PCDHA5: variants seen among roughly 807,000 people sequenced by gnomAD.
PCDHA5 encodes protocadherin alpha 5.
In PCDHA5, 43 loss-of-function variants were observed where a neutral mutation model predicts 61.6. That is an observed-to-expected ratio of 0.70 (90% CI 0.55 to 0.90). The LOEUF (loss-of-function observed/expected upper bound fraction) is 0.90, where lower values mean the gene tolerates loss of function less well. Ranked by LOEUF, PCDHA5 falls within the 40% of genes least tolerant of loss-of-function variation. The pLI is 0.00. For synonymous variants in PCDHA5, 627 were observed against 543.9 expected, an observed-to-expected ratio of 1.15 and a Z score of -2.13; for missense variants, 1,298 against 1,222.7, an observed-to-expected ratio of 1.06 and a Z score of -0.92.
At chr5:140,910,408 G>A (rs1165160124) in intron 1 of PCDHA5, among the ~76,000 whole-genome samples, 2 of 152,106 alleles carry the variant, frequency 1.3e-5, no homozygotes, top group African/African-American at 2.4e-5. Flanking sequence ...CTGCCACCTC[G>A]AGATCCAATT....
intron 1 of PCDHA5, chr5:140,927,592 G>T: frequency 6.2e-7 from 1 of 1,614,170 alleles, no homozygotes; most frequent in Admixed American, 1.7e-5. Context: ...GCCTGTATTT[G>T]AGCGCTCCGT....
At chr5:140,842,725 C>T in intron 1 of PCDHA5, 3 of 1,595,120 alleles carry the variant, frequency 1.9e-6, no homozygotes, top group Non-Finnish European at 2.6e-6. Flanking sequence ...AGGAGAACAA[C>T]CCGCCGGGCT....
intron 3 of PCDHA5, among the ~76,000 whole-genome samples, chr5:140,984,768 G>A (rs569046665): frequency 7.2e-5 from 11 of 152,172 alleles, no homozygotes; most frequent in African/African-American, 2.4e-4. Flanking sequence ...CTAATCCCAA[G>A]CTTACTTGCT....
In PCDHA5 at chr5:140,957,188, C is replaced by T. The variant is rs374236292; in HGVS notation, c.2353-21761C>T. On this transcript the variant is annotated intron_variant, in intron 1 of 3. Transcript: ENST00000529859. ...GTATATAAATTGGTTTATTGATGAC[C>T]GATTGGGAATATAAATAGGCACAAA... is the stretch of plus-strand genomic sequence containing the variant. 2.1e-3 allele frequency among the ~76,000 whole-genome samples: 315 copies of T among 151,992 alleles called. 3 individuals carry two copies. The highest frequency in any genetic ancestry group is 7.3e-3 in the African/African-American group (304 of 41,464).
chr5:140,913,659 A>T (rs1414002446), intron 1 of PCDHA5, among the ~76,000 whole-genome samples: 2 of 152,044 alleles, frequency 1.3e-5, no homozygotes, highest in Non-Finnish European at 2.9e-5. Flanking sequence ...TTTAAGATGT[A>T]TAGTTAGGTT....
intron 1 of PCDHA5, chr5:140,877,432 C>T: frequency 6.2e-7 from 1 of 1,613,874 alleles, no homozygotes; most frequent in Non-Finnish European, 8.5e-7. Flanking sequence ...GGTGAAGGAC[C>T]ACGGTGAGCC....
chr5:140,905,593 G>C (rs781937038), intron 1 of PCDHA5, among the ~76,000 whole-genome samples: 1 of 152,072 alleles, frequency 6.6e-6, no homozygotes, highest in Non-Finnish European at 1.5e-5. Context: ...TATTTTGCTG[G>C]GAATTGCATT....
intron 2 of PCDHA5, among the ~76,000 whole-genome samples, chr5:140,981,613 G>C (rs1279038280): frequency 6.6e-6 from 1 of 152,056 alleles, no homozygotes; most frequent in Non-Finnish European, 1.5e-5. Flanking sequence ...CTCTAATTTT[G>C]ATGAGGGTTT....
chr5:140,987,214 A>G (rs78124050), intron 3 of PCDHA5, among the ~76,000 whole-genome samples: 3 of 131,916 alleles, frequency 2.3e-5, no homozygotes, highest in Admixed American at 2.2e-4. Context: ...ACTCCATCTC[A>G]AAAAAAAAAA....
chr5:140,967,087 G>T (rs782556858), intron 1 of PCDHA5: 2 of 1,613,138 alleles, frequency 1.2e-6, no homozygotes, highest in East Asian at 4.5e-5. Flanking sequence ...GCATTGATCG[G>T]GAGGCGCTGT....
intron 1 of PCDHA5, chr5:140,871,054 A>G: frequency 6.2e-7 from 1 of 1,613,204 alleles, no homozygotes. Flanking sequence ...AGTACTGGTG[A>G]AGGATCACGG....
At chr5:140,858,949 G>A in intron 1 of PCDHA5, 1 of 158,970 alleles carries the variant, frequency 6.3e-6, no homozygotes, top group Non-Finnish European at 1.4e-5. Flanking sequence ...AGTGATTACA[G>A]CTTTTTCTCA....
intron 3 of PCDHA5, among the ~76,000 whole-genome samples, chr5:140,985,145 G>A (rs2097138679): frequency 6.6e-6 from 1 of 152,080 alleles, no homozygotes; most frequent in South Asian, 2.1e-4. Context: ...CACCGTGTTA[G>A]CCAGGATTGT....
At chr5:140,868,806 G>C (rs374832846) in intron 1 of PCDHA5, 8 of 356,954 alleles carry the variant, frequency 2.2e-5, no homozygotes, top group Non-Finnish European at 4.0e-5. Flanking sequence ...AAATAAGCAC[G>C]TTGGAAATAT....
chr5:140,898,673 G>A (rs1378652105), intron 1 of PCDHA5, among the ~76,000 whole-genome samples: 1 of 152,170 alleles, frequency 6.6e-6, no homozygotes, highest in Non-Finnish European at 1.5e-5. Flanking sequence ...GGTGTTGCGG[G>A]CTGTTTTTTG....
intron 1 of PCDHA5, chr5:140,871,331 C>A (rs1414219251): frequency 6.2e-7 from 1 of 1,614,102 alleles, no homozygotes; most frequent in Non-Finnish European, 8.5e-7. Flanking sequence ...TGCTCCCGCG[C>A]GGTGGGGAGC....
chr5:140,964,133 G>A (rs2095812042), intron 1 of PCDHA5, among the ~76,000 whole-genome samples: 1 of 152,182 alleles, frequency 6.6e-6, no homozygotes, highest in African/African-American at 2.4e-5. Context: ...AACTAGTAAG[G>A]TTGGCAGGAG....
At chr5:140,913,205 C>G (rs2076252546) in intron 1 of PCDHA5, among the ~76,000 whole-genome samples, 1 of 152,176 alleles carries the variant, frequency 6.6e-6, no homozygotes, top group South Asian at 2.1e-4. Context: ...GCAGTGAAGC[C>G]AATGGGTCCC....
At chr5:140,939,253 G>C (rs1399135372) in intron 1 of PCDHA5, among the ~76,000 whole-genome samples, 2 of 152,060 alleles carry the variant, frequency 1.3e-5, no homozygotes, top group African/African-American at 4.8e-5. Context: ...TAGCTCTCTG[G>C]AACCTCTTTT....
Sources: allele counts gnomAD v4.1 joint callset (sites outside exome capture counted in the v4.1 genomes callset), GRCh38; gene constraint gnomAD v4.1.1; transcripts MANE v1.5; gene names NCBI Gene and HGNC (gene_info 2026-07-23, HGNC 2026-07-21).